FMNL2: variants seen among roughly 807,000 people sequenced by gnomAD.
FMNL2 encodes the protein formin like 2.
Under a neutral mutation model 130.2 loss-of-function variants are expected in FMNL2, and 51 were observed. The ratio of observed to expected loss-of-function variants is 0.39; its 90% CI spans 0.31 to 0.49. The LOEUF (loss-of-function observed/expected upper bound fraction) is 0.49. Ranked by LOEUF, FMNL2 falls within the 20% of genes least tolerant of loss-of-function variation. The pLI is 0.85. For missense variants in FMNL2, 977 were observed against 1,316.2 expected (o/e 0.74, Z 3.99); for synonymous variants, 465 against 467.1 (o/e 1.00, Z 0.06).
chr2:152,415,121 G>A (rs1011073307), intron 1 of FMNL2, among the ~76,000 whole-genome samples: 1 of 151,798 alleles, frequency 6.6e-6, no homozygotes, highest in Non-Finnish European at 1.5e-5. Context: ...TACAGCAGAG[G>A]TGTGAATCTT....
chr2:152,551,806 A>G (rs1370501), intron 4 of FMNL2, among the ~76,000 whole-genome samples: 26,023 of 152,176 alleles, frequency 0.17, 2,549 homozygotes, highest in African/African-American at 0.26. Context: ...ACTTGAGCCC[A>G]AGAGTTTGAG....
At chr2:152,451,310 G>A (rs1233258650) in intron 1 of FMNL2, among the ~76,000 whole-genome samples, 3 of 151,954 alleles carry the variant, frequency 2.0e-5, no homozygotes, top group Non-Finnish European at 4.4e-5. Context: ...CACTATGCCC[G>A]GCTAATTTTT....
chr2:152,375,647 A>T (rs906670078), intron 1 of FMNL2, among the ~76,000 whole-genome samples: 2 of 151,926 alleles, frequency 1.3e-5, no homozygotes, highest in Admixed American at 6.6e-5. Context: ...CTGTTTTAAG[A>T]TTACAATGAA....
chr2:152,507,047 A>G (rs1305520842), intron 1 of FMNL2, among the ~76,000 whole-genome samples: 1 of 152,238 alleles, frequency 6.6e-6, no homozygotes, highest in Admixed American at 6.5e-5. Flanking sequence ...TGGAAAGGAA[A>G]TGTTGCGTGA....
intron 6 of FMNL2, among the ~76,000 whole-genome samples, chr2:152,573,804 A>G (rs1696314997): frequency 1.3e-5 from 2 of 152,216 alleles, no homozygotes; most frequent in Non-Finnish European, 1.5e-5. Context: ...CAACTAATAA[A>G]CAAGTTTCTC....
intron 1 of FMNL2, among the ~76,000 whole-genome samples, chr2:152,336,721 G>A (rs1681484356): frequency 6.6e-6 from 1 of 152,128 alleles, no homozygotes; most frequent in African/African-American, 2.4e-5. Context: ...TCTTCTAAGG[G>A]ATGTTGGGAG....
At chr2:152,633,096 CTT>C (rs1257653226) in intron 21 of FMNL2, among the ~76,000 whole-genome samples, 1 of 151,072 alleles carries the variant, frequency 6.6e-6, no homozygotes. Context: ...AATCTGTGCT[CTT>C]CTTTTTTTTT....
chr2:152,435,619 T>TTGGTAAAAG (rs1687715258), intron 1 of FMNL2, among the ~76,000 whole-genome samples: 1 of 151,616 alleles, frequency 6.6e-6, no homozygotes, highest in South Asian at 2.1e-4. Flanking sequence ...TGATGGTGTA[T>TTGGTAAAAG]TGGTAAAAGT....
intron 9 of FMNL2, among the ~76,000 whole-genome samples, chr2:152,603,955 T>G (rs993338348): frequency 6.6e-6 from 1 of 151,092 alleles, no homozygotes; most frequent in African/African-American, 2.4e-5. Context: ...TCCCAGATGC[T>G]GGTCCAACAA....
chr2:152,452,047 A>C (rs1421655679), intron 1 of FMNL2, among the ~76,000 whole-genome samples: 1 of 152,116 alleles, frequency 6.6e-6, no homozygotes, highest in East Asian at 1.9e-4. Context: ...ATGCCAGGAC[A>C]ATGCCACAGT....
chr2:152,478,331 G>A (rs111230590), intron 1 of FMNL2, among the ~76,000 whole-genome samples: 1 of 146,312 alleles, frequency 6.8e-6, no homozygotes, highest in African/African-American at 2.5e-5. Flanking sequence ...GCTCACTCCC[G>A]GGTTCAAGTG....
chr2:152,584,287 T>G (rs991234218), intron 9 of FMNL2, among the ~76,000 whole-genome samples: 1 of 152,190 alleles, frequency 6.6e-6, no homozygotes, highest in African/African-American at 2.4e-5. Flanking sequence ...GAGCCACATA[T>G]GGCAGAGAGA....
At chr2:152,534,519 G>T (rs895301576) in intron 2 of FMNL2, among the ~76,000 whole-genome samples, 2 of 150,072 alleles carry the variant, frequency 1.3e-5, no homozygotes, top group African/African-American at 4.9e-5. Context: ...TAGTGCTCTT[G>T]AATTGCCTAA....
intron 1 of FMNL2, among the ~76,000 whole-genome samples, chr2:152,479,970 T>G (rs1690402413): frequency 6.6e-6 from 1 of 152,214 alleles, no homozygotes; most frequent in Non-Finnish European, 1.5e-5. Context: ...GGTATTGGCC[T>G]TGGCCTATAA....
At chr2:152,541,365 C>T (rs1011331714) in intron 2 of FMNL2, among the ~76,000 whole-genome samples, 1 of 152,048 alleles carries the variant, frequency 6.6e-6, no homozygotes, top group Non-Finnish European at 1.5e-5. Context: ...ACCATGTTAC[C>T]CAGGCTTGTC....
intron 1 of FMNL2, among the ~76,000 whole-genome samples, chr2:152,398,722 A>C (rs1038122874): frequency 2.0e-5 from 3 of 152,212 alleles, no homozygotes; most frequent in African/African-American, 7.2e-5. Flanking sequence ...TTTATTGATA[A>C]AGAAATAGTA....
At chr2:152,587,177 G>A (rs1319160335) in intron 9 of FMNL2, among the ~76,000 whole-genome samples, 1 of 152,210 alleles carries the variant, frequency 6.6e-6, no homozygotes, top group African/African-American at 2.4e-5. Flanking sequence ...CATTCAAAGA[G>A]CCAGAGGCTG....
intron 16 of FMNL2, 30 bp from the exon 17 acceptor site, chr2:152,626,495 A>AT: frequency 6.5e-7 from 1 of 1,544,652 alleles, no homozygotes. Flanking sequence ...ATATAATCCA[A>AT]TTTTCCATGG....
intron 1 of FMNL2, among the ~76,000 whole-genome samples, chr2:152,484,595 C>T (rs1254374849): frequency 6.6e-6 from 1 of 151,948 alleles, no homozygotes; most frequent in African/African-American, 2.4e-5. Context: ...CAGCATGAGA[C>T]CTCATCTCTA....
Sources: allele counts gnomAD v4.1 joint callset (sites outside exome capture counted in the v4.1 genomes callset), GRCh38; gene constraint gnomAD v4.1.1; transcripts MANE v1.5; gene names NCBI Gene and HGNC (gene_info 2026-07-23, HGNC 2026-07-21).